ANKS1B: variants seen among roughly 807,000 people sequenced by gnomAD.
ANKS1B encodes ankyrin repeat and sterile alpha motif domain containing 1B.
Under a neutral mutation model 148.3 loss-of-function variants are expected in ANKS1B, and 36 were observed. The ratio of observed to expected loss-of-function variants is 0.24; its 90% confidence interval spans 0.19 to 0.32. The LOEUF (loss-of-function observed/expected upper bound fraction) is 0.32. Ranked by LOEUF, ANKS1B falls within the 10% of genes least tolerant of loss-of-function variation. The probability of loss-of-function intolerance (pLI) is 1.00; values close to 1 mark genes in which losing one functional copy is unlikely to be tolerated. For synonymous variants in ANKS1B, 542 were observed against 560.8 expected, an observed-to-expected ratio of 0.97 and a Z score of 0.47; for missense variants, 1,157 against 1,542.6, an observed-to-expected ratio of 0.75 and a Z score of 4.19.
At chr12:99,869,152 T>C (rs2091153889) in intron 1 of ANKS1B, among the ~76,000 whole-genome samples, 1 of 152,116 alleles carries the variant, frequency 6.6e-6, no homozygotes, top group Non-Finnish European at 1.5e-5. Context: ...TTCTCCAAAT[T>C]GTTCTATAGA....
intron 3 of ANKS1B, among the ~76,000 whole-genome samples, chr12:99,811,658 A>G (rs1348571155): frequency 1.3e-5 from 2 of 151,870 alleles, no homozygotes; most frequent in African/African-American, 2.4e-5. Context: ...TTGTATATAT[A>G]TATATCAAAA....
intron 6 of ANKS1B, 116 bp from the exon 7 acceptor site, chr12:99,775,777 T>C: frequency 1.9e-6 from 1 of 529,562 alleles, no homozygotes; most frequent in East Asian, 3.0e-5. Flanking sequence ...ATCCTAAATA[T>C]ATCCTAAGTT....
intron 14 of ANKS1B, among the ~76,000 whole-genome samples, chr12:99,238,406 G>C (rs568455983): frequency 2.0e-4 from 30 of 152,320 alleles, no homozygotes; most frequent in African/African-American, 6.7e-4. Context: ...CAGCCGGGAA[G>C]CTCCAAATGG....
At chr12:99,138,556 T>G (rs1283259402) in intron 15 of ANKS1B, among the ~76,000 whole-genome samples, 1 of 152,242 alleles carries the variant, frequency 6.6e-6, no homozygotes, top group Non-Finnish European at 1.5e-5. Flanking sequence ...TGTGCTGTCA[T>G]CTGGGTGAGC....
At chr12:99,945,449 G>T (rs894787459) in intron 1 of ANKS1B, among the ~76,000 whole-genome samples, 1 of 152,124 alleles carries the variant, frequency 6.6e-6, no homozygotes, top group African/African-American at 2.4e-5. Flanking sequence ...TAACAGCACG[G>T]TGTCAGTTTA....
At chr12:99,008,155 G>A (rs998634780) in intron 17 of ANKS1B, among the ~76,000 whole-genome samples, 9 of 151,978 alleles carry the variant, frequency 5.9e-5, no homozygotes, top group African/African-American at 2.2e-4. Context: ...GTTTCCCCTC[G>A]AGCTTTGGGC....
At chr12:99,197,201 A>C (rs1017700383) in intron 14 of ANKS1B, among the ~76,000 whole-genome samples, 1 of 152,190 alleles carries the variant, frequency 6.6e-6, no homozygotes, top group Non-Finnish European at 1.5e-5. Flanking sequence ...TGCTTCAAAG[A>C]AAATCAGGGA....
intron 8 of ANKS1B, among the ~76,000 whole-genome samples, chr12:99,735,737 G>A (rs1427046905): frequency 6.7e-6 from 1 of 149,660 alleles, no homozygotes; most frequent in Non-Finnish European, 1.5e-5. Flanking sequence ...ATAAAGAGGA[G>A]GGAGTTCTCC....
At chr12:99,073,643 C>G (rs960922161) in intron 16 of ANKS1B, among the ~76,000 whole-genome samples, 1 of 152,156 alleles carries the variant, frequency 6.6e-6, no homozygotes, top group African/African-American at 2.4e-5. Context: ...TGCTGCAACC[C>G]TTCCTTCTAG....
intron 9 of ANKS1B, among the ~76,000 whole-genome samples, chr12:99,575,671 AC>A (rs1030020270): frequency 6.6e-6 from 1 of 151,838 alleles, no homozygotes; most frequent in Non-Finnish European, 1.5e-5. Flanking sequence ...GGGGAAAAAC[AC>A]CCCCATGATT....
chr12:99,424,940 G>A (rs1308351800), intron 11 of ANKS1B, among the ~76,000 whole-genome samples: 1 of 151,898 alleles, frequency 6.6e-6, no homozygotes, highest in Non-Finnish European at 1.5e-5. Context: ...GTTCAATTAA[G>A]GCAAAAGCCA....
intron 11 of ANKS1B, among the ~76,000 whole-genome samples, chr12:99,442,152 G>A (rs2095559807): frequency 2.0e-5 from 3 of 151,774 alleles, no homozygotes; most frequent in Admixed American, 2.0e-4. Context: ...GGTTTAGTGA[G>A]GTTTATCTTG....
chr12:98,841,588 A>G (rs991182383), intron 17 of ANKS1B, among the ~76,000 whole-genome samples: 2 of 152,206 alleles, frequency 1.3e-5, no homozygotes, highest in African/African-American at 4.8e-5. Flanking sequence ...AGTTTTAAAA[A>G]TGCATCCACA....
At chr12:99,480,370 G>T (rs2096391526) in intron 10 of ANKS1B, among the ~76,000 whole-genome samples, 1 of 151,722 alleles carries the variant, frequency 6.6e-6, no homozygotes, top group Admixed American at 6.6e-5. Flanking sequence ...ACTTCAAACT[G>T]TGCAATAAAT....
chr12:99,796,033 T>G (rs2066210218), intron 4 of ANKS1B, among the ~76,000 whole-genome samples: 1 of 152,046 alleles, frequency 6.6e-6, no homozygotes, highest in Non-Finnish European at 1.5e-5. Context: ...AGGAAGCACT[T>G]TACAGCTTCT....
At chr12:98,989,668 G>A (rs907981166) in intron 17 of ANKS1B, among the ~76,000 whole-genome samples, 3 of 152,052 alleles carry the variant, frequency 2.0e-5, no homozygotes, top group East Asian at 1.9e-4. Context: ...AGCCAGGCAC[G>A]GTGGCTTGCT....
chr12:99,610,866 G>C (rs542146725), intron 9 of ANKS1B, among the ~76,000 whole-genome samples: 1 of 152,032 alleles, frequency 6.6e-6, no homozygotes, highest in African/African-American at 2.4e-5. Flanking sequence ...TTATGAGTAT[G>C]CCTTTTCTTC....
rs558800386 is a variant in ANKS1B at position 98,940,298 on chromosome 12, C to T, written c.2779-108162G>A. Among the ~76,000 whole-genome samples, 20 of 152,254 alleles carry T rather than the reference C, an allele frequency of 1.3e-4. 1 individual carries two copies. The East Asian group carries it at 3.9e-3, about 29-fold the overall frequency. On this transcript the variant is annotated intron_variant, in intron 17 of 26. Coordinates refer to ENST00000683438, the MANE Select transcript of ANKS1B (RefSeq NM_001352186.2). ...TTGTGTGCAGGCAGCCAGATGGGAG[C>T]CTGACCTTGGGTCACAGGCACACGA...
chr12:98,837,293 C>T (rs1023515097), intron 17 of ANKS1B, among the ~76,000 whole-genome samples: 3 of 149,782 alleles, frequency 2.0e-5, no homozygotes, highest in South Asian at 2.1e-4. Context: ...GCCGAGATTA[C>T]GCCACTGCAC....
Sources: allele counts gnomAD v4.1 joint callset (sites outside exome capture counted in the v4.1 genomes callset), GRCh38; gene constraint gnomAD v4.1.1; transcripts MANE v1.5; gene names NCBI Gene and HGNC (gene_info 2026-07-23, HGNC 2026-07-21).